EEIG2: variants seen among roughly 807,000 people sequenced by gnomAD.
EEIG2 encodes EEIG family member 2.
At chr1:108,572,362 G>A in the EEIG2 span, among the ~76,000 whole-genome samples, 1 of 151,948 alleles carries the variant, frequency 6.6e-6, no homozygotes, top group Non-Finnish European at 1.5e-5. Flanking sequence ...TCCCCCACTA[G>A]CAACATCCTG....
chr1:108,629,870 A>T, the EEIG2 span: 3 of 584,214 alleles, frequency 5.1e-6, no homozygotes, highest in African/African-American at 3.8e-5. Context: ...TTAGTTTTTA[A>T]TTTCCTTAGA....
the EEIG2 span, chr1:108,631,007 C>A: frequency 5.0e-6 from 1 of 198,430 alleles, no homozygotes. Context: ...AAACCTACAT[C>A]AACGATTAAC....
the EEIG2 span, among the ~76,000 whole-genome samples, chr1:108,571,251 A>G: frequency 1.3e-5 from 2 of 152,158 alleles, no homozygotes; most frequent in African/African-American, 4.8e-5. Flanking sequence ...GCAAGTGGCA[A>G]TGAGAGTGCC....
chr1:108,589,230 T>C, the EEIG2 span, among the ~76,000 whole-genome samples: 3 of 152,122 alleles, frequency 2.0e-5, no homozygotes, highest in Non-Finnish European at 4.4e-5. Context: ...TCTCAAATCT[T>C]TTCTCCTTAC....
chr1:108,582,000 G>A, the EEIG2 span, among the ~76,000 whole-genome samples: 2 of 152,060 alleles, frequency 1.3e-5, no homozygotes, highest in Admixed American at 1.3e-4. Context: ...AATTGCCACA[G>A]CCACCCCAAC....
chr1:108,584,704 T>A, the EEIG2 span, among the ~76,000 whole-genome samples: 2 of 152,168 alleles, frequency 1.3e-5, no homozygotes, highest in African/African-American at 4.8e-5. Flanking sequence ...TTTTTACCTT[T>A]TTGAGGCCAG....
the EEIG2 span, among the ~76,000 whole-genome samples, chr1:108,562,756 A>G: frequency 6.6e-6 from 1 of 152,236 alleles, no homozygotes; most frequent in Non-Finnish European, 1.5e-5. Context: ...GAACTTGTCC[A>G]AGAAGGTCCA....
chr1:108,606,361 T>A, the EEIG2 span: 1 of 622,548 alleles, frequency 1.6e-6, no homozygotes, highest in Non-Finnish European at 2.6e-6. Flanking sequence ...CAAGCTTGGC[T>A]CTTTTTGTAT....
At chr1:108,623,437 G>A in the EEIG2 span, among the ~76,000 whole-genome samples, 4 of 152,098 alleles carry the variant, frequency 2.6e-5, no homozygotes, top group South Asian at 8.3e-4. Context: ...GGAGGCTGCA[G>A]TGAGCCATGA....
the EEIG2 span, chr1:108,629,787 C>G: frequency 4.2e-6 from 3 of 707,158 alleles, no homozygotes; most frequent in Non-Finnish European, 2.6e-6. Context: ...TAGTTACATG[C>G]GAAGAGTTAC....
chr1:108,582,544 T>C, the EEIG2 span, among the ~76,000 whole-genome samples: 3 of 152,204 alleles, frequency 2.0e-5, no homozygotes. Flanking sequence ...AATTCTTAAT[T>C]TTTTTGTGGC....
chr1:108,624,396 G>C, the EEIG2 span, among the ~76,000 whole-genome samples: 2 of 148,136 alleles, frequency 1.4e-5, no homozygotes, highest in Admixed American at 6.8e-5. Context: ...TCTCTTTTTA[G>C]GACTCTATGG....
At chr1:108,612,503 G>A in the EEIG2 span, among the ~76,000 whole-genome samples, 2 of 152,170 alleles carry the variant, frequency 1.3e-5, no homozygotes, top group African/African-American at 4.8e-5. Context: ...GTCCAAAGGT[G>A]TTTTTCTTTG....
chr1:108,613,561 G>A, the EEIG2 span, among the ~76,000 whole-genome samples: 3 of 151,858 alleles, frequency 2.0e-5, no homozygotes, highest in Non-Finnish European at 4.4e-5. Context: ...TTTCCTTCTG[G>A]CTTCCCATTC....
At chr1:108,599,694 C>G in the EEIG2 span, among the ~76,000 whole-genome samples, 13 of 152,228 alleles carry the variant, frequency 8.5e-5, no homozygotes, top group East Asian at 2.5e-3. Flanking sequence ...TCTCATCACA[C>G]TTCATTTTCC....
chr1:108,562,029 G>T, the EEIG2 span, among the ~76,000 whole-genome samples: 4 of 152,132 alleles, frequency 2.6e-5, no homozygotes, highest in Non-Finnish European at 5.9e-5. Context: ...TTCGTTGTAG[G>T]CAGTCATTTA....
the EEIG2 span, among the ~76,000 whole-genome samples, chr1:108,577,172 A>T: frequency 9.7e-6 from 1 of 103,252 alleles, no homozygotes; most frequent in Non-Finnish European, 2.0e-5. Flanking sequence ...AATTTGTTGG[A>T]GTTCATTGTA....
At chr1:108,560,934 G>T in the EEIG2 span, among the ~76,000 whole-genome samples, 1 of 152,210 alleles carries the variant, frequency 6.6e-6, no homozygotes, top group African/African-American at 2.4e-5. Context: ...CAAGAGCCCA[G>T]CTCTGAACAG....
the EEIG2 span, among the ~76,000 whole-genome samples, chr1:108,603,414 A>G: frequency 6.6e-6 from 1 of 150,732 alleles, no homozygotes; most frequent in African/African-American, 2.4e-5. Context: ...GAGAGTTTCA[A>G]CCTAGTAGGA....
Sources: allele counts gnomAD v4.1 joint callset (sites outside exome capture counted in the v4.1 genomes callset), GRCh38; gene constraint gnomAD v4.1.1; transcripts MANE v1.5; gene names NCBI Gene and HGNC (gene_info 2026-07-23, HGNC 2026-07-21).